Variants in PPARGC1A observed in about 807,000 individuals in gnomAD.
PPARGC1A encodes PPARG coactivator 1 alpha.
PPARGC1A carries 25 observed loss-of-function variants against 88.7 expected under a neutral mutation model. The observed-to-expected ratio is 0.28, with a 90% confidence interval of 0.21 to 0.39. PPARGC1A has a LOEUF of 0.39. Ranked by LOEUF, PPARGC1A falls within the 10% of genes least tolerant of loss-of-function variation. PPARGC1A has a pLI of 1.00. For missense variants in PPARGC1A, 880 were observed against 968.7 expected, an observed-to-expected ratio of 0.91 and a Z score of 1.22; for synonymous variants, 363 against 355.6, an observed-to-expected ratio of 1.02 and a Z score of -0.24.
chr4:23,921,716 T>G, the PPARGC1A span, among the ~76,000 whole-genome samples: 1 of 152,224 alleles, frequency 6.6e-6, no homozygotes, highest in South Asian at 2.1e-4. Context: ...AAGTGTGGTT[T>G]TACTGGTGCA....
chr4:23,816,213 C>G (rs1430483504), intron 7 of PPARGC1A, among the ~76,000 whole-genome samples: 1 of 152,136 alleles, frequency 6.6e-6, no homozygotes, highest in Non-Finnish European at 1.5e-5. Context: ...GGACACTGTA[C>G]TCCACTCATG....
chr4:24,020,500 T>C, the PPARGC1A span, among the ~76,000 whole-genome samples: 4 of 152,200 alleles, frequency 2.6e-5, no homozygotes, highest in Non-Finnish European at 4.4e-5. Context: ...TCCATGTTTT[T>C]CTCCTGTATT....
Position 23,810,678 on chromosome 4 carries a change from C to T in PPARGC1A, c.2019+2069G>A, listed in dbSNP as rs1720734328. Among the ~76,000 whole-genome samples, 3 of 152,182 alleles carry T rather than the reference C, an allele frequency of 2.0e-5. No homozygotes were observed. The South Asian group carries it at 6.2e-4, about 32-fold the overall frequency. ...AGTTACAACTGTGTTGTGTCATGGC[C>T]ATATAAGCAAATTTATGATGAAACT... On this transcript the variant is annotated intron_variant, in intron 10 of 12. Coordinates refer to ENST00000264867, the MANE Select transcript of PPARGC1A (RefSeq NM_013261.5).
At chr4:24,400,049 A>T in the PPARGC1A span, among the ~76,000 whole-genome samples, 1 of 151,944 alleles carries the variant, frequency 6.6e-6, no homozygotes, top group African/African-American at 2.4e-5. Flanking sequence ...GCCTCCCAAA[A>T]TGCTAGAATT....
chr4:24,430,549 T>C, the PPARGC1A span, among the ~76,000 whole-genome samples: 1 of 152,094 alleles, frequency 6.6e-6, no homozygotes, highest in Non-Finnish European at 1.5e-5. Context: ...TATTTCCTAT[T>C]TTTTTATTTT....
intron 2 of PPARGC1A, among the ~76,000 whole-genome samples, chr4:23,878,304 T>TC (rs1419855380): frequency 6.7e-6 from 1 of 149,690 alleles, no homozygotes; most frequent in Non-Finnish European, 1.5e-5. Context: ...ATACACATTC[T>TC]CACTTTGCAA....
the PPARGC1A span, among the ~76,000 whole-genome samples, chr4:24,380,720 G>A: frequency 2.6e-5 from 4 of 152,198 alleles, no homozygotes; most frequent in South Asian, 2.1e-4. Context: ...AAACAGAATC[G>A]ACATGTCTTA....
At chr4:23,991,738 G>A in the PPARGC1A span, among the ~76,000 whole-genome samples, 1 of 151,794 alleles carries the variant, frequency 6.6e-6, no homozygotes, top group Non-Finnish European at 1.5e-5. Context: ...AAGAGGCATG[G>A]CAGAAATGTG....
the PPARGC1A span, among the ~76,000 whole-genome samples, chr4:24,373,716 T>A: frequency 2.0e-5 from 3 of 152,060 alleles, no homozygotes; most frequent in African/African-American, 7.2e-5. Context: ...TAAGAATAGA[T>A]CAAATAAAAA....
At chr4:24,411,378 T>C in the PPARGC1A span, among the ~76,000 whole-genome samples, 6 of 152,180 alleles carry the variant, frequency 3.9e-5, no homozygotes, top group African/African-American at 1.4e-4. Flanking sequence ...TTAGAGATGT[T>C]TTAGGGTCAC....
chr4:24,424,574 C>T, the PPARGC1A span, among the ~76,000 whole-genome samples: 691 of 152,096 alleles, frequency 4.5e-3, 4 homozygotes, highest in African/African-American at 0.016. Context: ...CGCGCCCAGC[C>T]GCTATACACA....
intron 2 of PPARGC1A, among the ~76,000 whole-genome samples, chr4:23,869,638 A>T (rs1344667488): frequency 8.1e-6 from 1 of 124,026 alleles, no homozygotes; most frequent in East Asian, 2.6e-4. Flanking sequence ...TTGTTCATTT[A>T]TTTATAAGAG....
At chr4:23,941,615 G>A in the PPARGC1A span, among the ~76,000 whole-genome samples, 2 of 152,148 alleles carry the variant, frequency 1.3e-5, no homozygotes, top group Non-Finnish European at 2.9e-5. Context: ...CACTGGTGAT[G>A]GATTTCCATG....
the PPARGC1A span, among the ~76,000 whole-genome samples, chr4:24,202,810 T>G: frequency 9.2e-5 from 14 of 152,130 alleles, no homozygotes; most frequent in Admixed American, 9.2e-4. Context: ...CCTGGCAACA[T>G]GAACTCTCCT....
chr4:24,289,433 A>G, the PPARGC1A span, among the ~76,000 whole-genome samples: 1 of 151,966 alleles, frequency 6.6e-6, no homozygotes, highest in South Asian at 2.1e-4. Flanking sequence ...GCCTCCTCCA[A>G]CCCTCTGGGA....
At chr4:24,251,483 C>A in the PPARGC1A span, among the ~76,000 whole-genome samples, 1 of 152,198 alleles carries the variant, frequency 6.6e-6, no homozygotes, top group African/African-American at 2.4e-5. Context: ...CTTTTGCCTC[C>A]CTTTTCCTGC....
the PPARGC1A span, among the ~76,000 whole-genome samples, chr4:24,469,624 A>G: frequency 6.6e-6 from 1 of 152,198 alleles, no homozygotes; most frequent in Non-Finnish European, 1.5e-5. Context: ...CCCGAGAGCC[A>G]ATCATTCTCC....
At chr4:24,434,966 T>G in the PPARGC1A span, among the ~76,000 whole-genome samples, 1 of 152,332 alleles carries the variant, frequency 6.6e-6, no homozygotes, top group East Asian at 1.9e-4. Context: ...CTTTTCTTGC[T>G]GAATACTTAA....
chr4:24,329,948 G>T, the PPARGC1A span, among the ~76,000 whole-genome samples: 1 of 152,154 alleles, frequency 6.6e-6, no homozygotes, highest in Non-Finnish European at 1.5e-5. Flanking sequence ...TCTGGCACAA[G>T]GATTTCAGAT....
Sources: gnomAD v4.1 joint callset for allele counts (sites outside exome capture counted in the v4.1 genomes callset) on GRCh38, gnomAD v4.1.1 for gene constraint, MANE v1.5 for transcripts, NCBI Gene and HGNC (gene_info 2026-07-23, HGNC 2026-07-21) for gene names.